VDR: variants seen among roughly 807,000 people sequenced by gnomAD.
VDR encodes vitamin D receptor, also known as vitamin D3 receptor.
A neutral mutation model predicts 39.7 loss-of-function variants in VDR; 19 were observed. The observed-to-expected ratio is 0.48, with a 90% CI of 0.33 to 0.70. The LOEUF (loss-of-function observed/expected upper bound fraction) is 0.70, where lower values mean the gene tolerates loss of function less well. Among genes scored for constraint, VDR ranks in the 30% least tolerant of loss-of-function variants. VDR has a pLI of 0.02. For synonymous variants in VDR, 242 were observed against 215.8 expected, an observed-to-expected ratio of 1.12 and a Z score of -1.07; for missense variants, 442 against 570.5, an observed-to-expected ratio of 0.77 and a Z score of 2.29.
rs17878969 is a variant in VDR, at chr12:47,842,623, A to ATTTTTTTTTTTTTTTTTTTTT, written c.*2122_*2123insAAAAAAAAAAAAAAAAAAAAA. 2.3e-5 allele frequency: 3 copies of ATTTTTTTTTTTTTTTTTTTTT among 131,072 alleles called. No individual in the cohort carries two copies. Among genetic ancestry groups the ATTTTTTTTTTTTTTTTTTTTT allele is most frequent in the African/African-American group, 3.0e-5 (1 of 33,822 alleles). 8.1% of individuals were successfully genotyped at this position (131,072 alleles called of 1,614,324 possible). ...CAGGCTTGCGCCACCATGCCCGGCT[A>ATTTTTTTTTTTTTTTTTTTTT]TTTTTTTTTTTTTTTTTTTTGTATT... On this transcript the variant is annotated 3_prime_UTR_variant, in exon 10 of 10. Coordinates refer to ENST00000549336, the MANE Select transcript of VDR (RefSeq NM_000376.3).
intron 3 of VDR, among the ~76,000 whole-genome samples, chr12:47,875,457 A>G (rs1592131739): frequency 6.6e-6 from 1 of 152,352 alleles, no homozygotes; most frequent in East Asian, 1.9e-4. Context: ...GAGAAGGTAC[A>G]GACCACTGAC....
At chr12:47,875,754 C>A (rs1945987521) in intron 3 of VDR, among the ~76,000 whole-genome samples, 1 of 152,138 alleles carries the variant, frequency 6.6e-6, no homozygotes, top group African/African-American at 2.4e-5. Context: ...TTCTGCAAGC[C>A]TCTGGTCACA....
intron 3 of VDR, among the ~76,000 whole-genome samples, chr12:47,876,717 T>C (rs1451606493): frequency 6.6e-6 from 1 of 152,240 alleles, no homozygotes; most frequent in Non-Finnish European, 1.5e-5. Flanking sequence ...ACACTCAGCC[T>C]GGGGCATGAC....
intron 7 of VDR, among the ~76,000 whole-genome samples, chr12:47,847,124 A>C (rs941902306): frequency 6.6e-6 from 1 of 152,158 alleles, no homozygotes; most frequent in Non-Finnish European, 1.5e-5. Flanking sequence ...TGAGGCATGA[A>C]TATGGTGGTC....
intron 3 of VDR, among the ~76,000 whole-genome samples, chr12:47,872,098 T>C (rs1426337829): frequency 1.3e-5 from 2 of 152,246 alleles, no homozygotes; most frequent in African/African-American, 2.4e-5. Context: ...ATTATGACGT[T>C]ACATTTAAAA....
rs535480367 is a variant in VDR at position 47,902,329 on chromosome 12, G to A, written c.-84+2626C>T. On this transcript the variant is annotated intron_variant, in intron 1 of 9. Transcript: ENST00000549336. ...AAGCAAAATGACAAGCAAGGCCTTGGTGGCCCAGAGTGGCAGCCAGGCTGG... is the reference window on the plus strand; with the variant it reads ...AAGCAAAATGACAAGCAAGGCCTTGATGGCCCAGAGTGGCAGCCAGGCTGG... 2.6e-5 allele frequency among the ~76,000 whole-genome samples: 4 copies of A among 152,328 alleles called. No individual in the cohort carries two copies. In the South Asian group the frequency reaches 8.3e-4, roughly 32 times the overall value.
At chr12:47,899,398 TC>T (rs2137250764) in intron 1 of VDR, among the ~76,000 whole-genome samples, 1 of 152,308 alleles carries the variant, frequency 6.6e-6, no homozygotes, top group African/African-American at 2.4e-5. Context: ...CATCATCTAA[TC>T]CTCACACAGT....
chr12:47,854,285 C>T (rs970622305), intron 7 of VDR, among the ~76,000 whole-genome samples: 3 of 151,820 alleles, frequency 2.0e-5, no homozygotes, highest in African/African-American at 7.3e-5. Context: ...CCACACCTGG[C>T]TAATTTATAA....
intron 3 of VDR, among the ~76,000 whole-genome samples, chr12:47,869,295 G>A (rs1945800360): frequency 6.6e-6 from 1 of 152,152 alleles, no homozygotes; most frequent in Non-Finnish European, 1.5e-5. Context: ...CCAGCACTTT[G>A]GGAGGCCGAG....
chr12:47,857,339 G>T (rs12368742), intron 5 of VDR, 90 bp from the exon 6 acceptor site: 1 of 1,609,776 alleles, frequency 6.2e-7, no homozygotes, highest in Non-Finnish European at 8.5e-7. Context: ...CTTTGAGGAA[G>T]GTCTACAGGA....
At chr12:47,862,945 G>T (rs759876326) in intron 4 of VDR, among the ~76,000 whole-genome samples, 4 of 152,222 alleles carry the variant, frequency 2.6e-5, no homozygotes, top group Non-Finnish European at 5.9e-5. Flanking sequence ...ACTGAGTACT[G>T]CTCCCTGCAC....
chr12:47,868,970 G>A (rs1417314862), intron 3 of VDR, among the ~76,000 whole-genome samples: 1 of 152,104 alleles, frequency 6.6e-6, no homozygotes, highest in East Asian at 1.9e-4. Flanking sequence ...ACCAGACTGG[G>A]CCCGGGACTG....
intron 1 of VDR, among the ~76,000 whole-genome samples, chr12:47,888,953 C>CA (rs1946311188): frequency 6.6e-6 from 1 of 152,178 alleles, no homozygotes; most frequent in South Asian, 2.1e-4. Context: ...TGGGGCAATA[C>CA]ATAAGCGAAT....
intron 1 of VDR, among the ~76,000 whole-genome samples, chr12:47,888,268 C>T (rs1360516333): frequency 1.3e-5 from 2 of 152,150 alleles, no homozygotes; most frequent in African/African-American, 4.8e-5. Context: ...TCCCACAACA[C>T]GTGGGAATTC....
At chr12:47,861,022 G>T (rs1032306254) in intron 4 of VDR, among the ~76,000 whole-genome samples, 8 of 152,322 alleles carry the variant, frequency 5.3e-5, no homozygotes, top group African/African-American at 1.9e-4. Context: ...GCAGATGAGG[G>T]AGCTGAGGCC....
intron 2 of VDR, among the ~76,000 whole-genome samples, chr12:47,879,441 C>T (rs1359858509): frequency 6.6e-6 from 1 of 152,204 alleles, no homozygotes; most frequent in Non-Finnish European, 1.5e-5. Context: ...AGGTGTTTTA[C>T]TTCCAGGGTG....
At position 47,845,025 on chromosome 12, in the gene VDR, G is replaced by A. The variant is rs1214586486; in HGVS notation, c.1025-20C>T. On this transcript the variant is annotated intron_variant, in intron 9 of 9. Coordinates refer to ENST00000549336, the MANE Select transcript of VDR (RefSeq NM_000376.3). Reference sequence around the variant, plus strand: ...GACGATCTGTGGGCACGGGGATAGAGAAGAAGGCACAGGAGCTCTCAGCTG... The same window carrying A: ...GACGATCTGTGGGCACGGGGATAGAAAAGAAGGCACAGGAGCTCTCAGCTG... 3 of 1,608,530 alleles carry A rather than the reference G, an allele frequency of 1.9e-6. No homozygotes were observed. The highest frequency in any genetic ancestry group is 1.7e-5 in the Admixed American group (1 of 59,994).
Position 47,852,540 on chromosome 12 carries a change from C to T in VDR, c.755+3090G>A, listed in dbSNP as rs181256720. Among the ~76,000 whole-genome samples, 8 of 152,248 alleles carry T rather than the reference C, an allele frequency of 5.3e-5. No homozygotes were observed. The East Asian group carries it at 1.4e-3, about 26-fold the overall frequency. On this transcript the variant is annotated intron_variant, in intron 7 of 9. Coordinates refer to ENST00000549336, the MANE Select transcript of VDR (RefSeq NM_000376.3). ...CTGCTTGCCTGCCTGCCAGAGGGGC[C>T]CTCGCTCCTATCACTACAACCAAAA...
At chr12:47,869,535 CAAAA>C (rs33940574) in intron 3 of VDR, among the ~76,000 whole-genome samples, 14 of 68,968 alleles carry the variant, frequency 2.0e-4, no homozygotes, top group African/African-American at 5.8e-4. Flanking sequence ...GACTCCATCT[CAAAA>C]AAAAAAAAAA....
Sources: allele counts gnomAD v4.1 joint callset (sites outside exome capture counted in the v4.1 genomes callset), GRCh38; gene constraint gnomAD v4.1.1; transcripts MANE v1.5; gene names NCBI Gene and HGNC (gene_info 2026-07-23, HGNC 2026-07-21).